The following PPP1R16B variants were observed in gnomAD, a reference collection of about 807,000 sequenced individuals.
The protein encoded by PPP1R16B is protein phosphatase 1 regulatory subunit 16B.
In PPP1R16B, 14 loss-of-function variants were observed where a neutral mutation model predicts 61.7. The ratio of observed to expected loss-of-function variants is 0.23; its 90% CI spans 0.15 to 0.35. PPP1R16B has a LOEUF of 0.35. Ranked by LOEUF, PPP1R16B falls within the 10% of genes least tolerant of loss-of-function variation. The pLI is 1.00. For missense variants in PPP1R16B, 547 were observed against 752.5 expected, an observed-to-expected ratio of 0.73 and a Z score of 3.19; for synonymous variants, 266 against 305.3, an observed-to-expected ratio of 0.87 and a Z score of 1.34.
At chr20:38,821,757 A>C (rs2084774682) in intron 1 of PPP1R16B, among the ~76,000 whole-genome samples, 1 of 152,088 alleles carries the variant, frequency 6.6e-6, no homozygotes, top group Admixed American at 6.6e-5. Context: ...TTTTATTACA[A>C]GCATAATTTC....
In PPP1R16B at chr20:38,806,511, A is replaced by T. The variant is rs2145698193; in HGVS notation, c.-102+719A>T. On this transcript the variant is annotated intron_variant, in intron 1 of 10. Transcript: ENST00000299824. This position sits in a 1 kb window ranked among gnomAD's most constrained non-coding sequence, Gnocchi z 4.5. The stretch of plus-strand genomic sequence containing the variant: ...GCTCCCCTCTGGGCGACTCCGGCTC[A>T]TCGATTCCGGCCCAGAGGAGCGCCC... Among the ~76,000 whole-genome samples, 1 of 152,122 alleles carries T rather than the reference A, an allele frequency of 6.6e-6. No homozygotes were observed. Among genetic ancestry groups the T allele is most frequent in the Middle Eastern group, 3.4e-3 (1 of 294 alleles).
chr20:38,895,529 T>C, intron 3 of PPP1R16B, 36 bp from the exon 4 acceptor site: 1 of 1,608,164 alleles, frequency 6.2e-7, no homozygotes, highest in Admixed American at 1.7e-5. Context: ...CCCAGTGCCC[T>C]GCCTGGAGCT....
chr20:38,854,127 G>A (rs144176950), intron 2 of PPP1R16B, among the ~76,000 whole-genome samples: 1 of 152,164 alleles, frequency 6.6e-6, no homozygotes, highest in Admixed American at 6.6e-5. Flanking sequence ...ACATCATGTT[G>A]CTCGAACACT....
At chr20:38,906,139 A>G in intron 7 of PPP1R16B, 45 bp downstream of exon 7, 1 of 1,576,618 alleles carries the variant, frequency 6.3e-7, no homozygotes, top group Non-Finnish European at 8.6e-7. Context: ...GCACAGGGCT[A>G]ACCTGCTGAC....
intron 1 of PPP1R16B, among the ~76,000 whole-genome samples, chr20:38,819,908 C>T (rs1361560337): frequency 6.6e-6 from 1 of 152,150 alleles, no homozygotes; most frequent in African/African-American, 2.4e-5. Flanking sequence ...GCTTGGAGTG[C>T]TACCAGCACT....
At chr20:38,849,002 G>A (rs1195481526) in intron 2 of PPP1R16B, among the ~76,000 whole-genome samples, 1 of 152,198 alleles carries the variant, frequency 6.6e-6, no homozygotes, top group African/African-American at 2.4e-5. Flanking sequence ...TTGGACCAAA[G>A]TGATATGTTT....
Position 38,919,594 on chromosome 20 carries a change from C to T in PPP1R16B, c.*928C>T, listed in dbSNP as rs542873341. 6.6e-6 allele frequency: 1 copy of T among 152,194 alleles called. No homozygotes were observed. Among genetic ancestry groups the T allele is most frequent in the Non-Finnish European group, 1.5e-5 (1 of 68,016 alleles). The allele number at this position is 152,194 out of a possible 1,614,324, so 9.4% of individuals were successfully genotyped here. On this transcript the variant is annotated 3_prime_UTR_variant, in exon 11 of 11. Transcript: ENST00000299824. The stretch of plus-strand genomic sequence containing the variant: ...ACTGAATTCACTTCTTTTTGTGGAT[C>T]GTATCAAGGTCACTGGGTTTTACTG...
chr20:38,824,874 A>G (rs1298083763), intron 1 of PPP1R16B, among the ~76,000 whole-genome samples: 1 of 152,238 alleles, frequency 6.6e-6, no homozygotes. Flanking sequence ...TGCTACAAAT[A>G]CAAAAATTAG....
intron 2 of PPP1R16B, among the ~76,000 whole-genome samples, chr20:38,888,559 G>A (rs1221506344): frequency 6.6e-6 from 1 of 152,106 alleles, no homozygotes; most frequent in East Asian, 1.9e-4. Context: ...GGCTTGGGTG[G>A]ACTCGTCCCA....
At chr20:38,915,353 G>T (rs531489693) in intron 10 of PPP1R16B, among the ~76,000 whole-genome samples, 1 of 152,302 alleles carries the variant, frequency 6.6e-6, no homozygotes. Flanking sequence ...CCACTAAACA[G>T]CCCTGGTATT....
chr20:38,837,540 T>A (rs1042826984), intron 2 of PPP1R16B, among the ~76,000 whole-genome samples: 1 of 151,228 alleles, frequency 6.6e-6, no homozygotes, highest in African/African-American at 2.4e-5. Flanking sequence ...TTTTTCTTTT[T>A]TTTTTTTCTT....
intron 2 of PPP1R16B, among the ~76,000 whole-genome samples, chr20:38,855,943 TAG>T (rs1293814608): frequency 9.3e-4 from 14 of 15,054 alleles, no homozygotes; most frequent in South Asian, 3.9e-3. Flanking sequence ...TATATATATA[TAG>T]AGAGAGAGAG....
At chr20:38,850,316 T>G (rs1223848105) in intron 2 of PPP1R16B, among the ~76,000 whole-genome samples, 1 of 152,106 alleles carries the variant, frequency 6.6e-6, no homozygotes, top group Non-Finnish European at 1.5e-5. Context: ...CCCAAACACA[T>G]GGACTGACAC....
In PPP1R16B at chr20:38,907,721, G is replaced by C; in HGVS notation, c.899-85G>C. On this transcript the variant is annotated intron_variant, in intron 8 of 10. Coordinates refer to ENST00000299824, the MANE Select transcript of PPP1R16B (RefSeq NM_015568.4). This position sits in a 1 kb window ranked among gnomAD's most constrained non-coding sequence, Gnocchi z 4.5. ...ATGCTTGGAGTTTTCAGTGGGTTGGGGTGGCAGCTCCTCTGGTCTGGAGCA... is the reference window on the plus strand; with the variant it reads ...ATGCTTGGAGTTTTCAGTGGGTTGGCGTGGCAGCTCCTCTGGTCTGGAGCA... 6.6e-7 allele frequency: 1 copy of C among 1,510,950 alleles called. No individual in the cohort carries two copies. The highest frequency in any genetic ancestry group is 9.1e-7 in the Non-Finnish European group (1 of 1,104,070). 93.6% of individuals were successfully genotyped at this position (1,510,950 alleles called of 1,614,324 possible). A position where few individuals can be genotyped will look rare whatever the true frequency, so the allele number is the denominator to read the frequency against.
chr20:38,825,497 C>T (rs1439568945), intron 1 of PPP1R16B, among the ~76,000 whole-genome samples: 1 of 152,194 alleles, frequency 6.6e-6, no homozygotes, highest in Non-Finnish European at 1.5e-5. Flanking sequence ...TTGCTAACGT[C>T]CATATGGAGT....
Position 38,806,502 on chromosome 20 carries a change from C to A in PPP1R16B, c.-102+710C>A, listed in dbSNP as rs1213747331. Among the ~76,000 whole-genome samples the A allele has an allele frequency of 2.6e-5, 4 of 152,078 alleles. No individual in the cohort carries two copies. In the East Asian group the frequency reaches 7.8e-4, roughly 30 times the overall value. On this transcript the variant is annotated intron_variant, in intron 1 of 10. Coordinates refer to ENST00000299824, the MANE Select transcript of PPP1R16B (RefSeq NM_015568.4). This position sits in a 1 kb window ranked among gnomAD's most constrained non-coding sequence, Gnocchi z 4.5. The stretch of plus-strand genomic sequence containing the variant: ...GCCAGGAGCGCTCCCCTCTGGGCGA[C>A]TCCGGCTCATCGATTCCGGCCCAGA...
At chr20:38,880,539 C>T (rs367674012) in intron 2 of PPP1R16B, among the ~76,000 whole-genome samples, 7 of 152,050 alleles carry the variant, frequency 4.6e-5, no homozygotes, top group Non-Finnish European at 8.8e-5. Context: ...CATGGTGGTG[C>T]GCACCTGTAC....
chr20:38,860,791 T>C (rs1015339397), intron 2 of PPP1R16B, among the ~76,000 whole-genome samples: 1 of 152,198 alleles, frequency 6.6e-6, no homozygotes, highest in African/African-American at 2.4e-5. Context: ...TGGCAGGCTG[T>C]ATCTAGGTTT....
At position 38,806,425 on chromosome 20, in the gene PPP1R16B, G is replaced by T. The variant is rs2084661778; in HGVS notation, c.-102+633G>T. Among the ~76,000 whole-genome samples, 1 of 152,064 alleles carries T rather than the reference G, an allele frequency of 6.6e-6. No homozygotes were observed. Among genetic ancestry groups the T allele is most frequent in the Admixed American group, 6.5e-5 (1 of 15,286 alleles). The stretch of plus-strand genomic sequence containing the variant: ...CCGCGAGTGGTAGTTCCCCGGGAGG[G>T]GCGCGCCCGGCCTCTCCCAGGGCCC... On this transcript the variant is annotated intron_variant, in intron 1 of 10. Transcript: ENST00000299824. This position sits in a 1 kb window ranked among gnomAD's most constrained non-coding sequence, Gnocchi z 4.5.
Sources: allele counts gnomAD v4.1 joint callset (sites outside exome capture counted in the v4.1 genomes callset), GRCh38; gene constraint gnomAD v4.1.1; non-coding constraint Gnocchi (gnomAD v3.1); transcripts MANE v1.5; gene names NCBI Gene and HGNC (gene_info 2026-07-23, HGNC 2026-07-21).